Variants in CLSTN2 observed in about 807,000 individuals in gnomAD.
The protein encoded by CLSTN2 is calsyntenin-2.
Under a neutral mutation model 101.2 loss-of-function variants are expected in CLSTN2, and 48 were observed. The observed-to-expected ratio is 0.47, with a 90% CI of 0.38 to 0.60. CLSTN2 has a LOEUF of 0.60. Ranked by LOEUF, CLSTN2 falls within the 20% of genes least tolerant of loss-of-function variation. The pLI, the probability that CLSTN2 is intolerant of heterozygous loss-of-function variation, is 0.00. For synonymous variants in CLSTN2, 481 were observed against 463.6 expected (o/e 1.04, Z -0.48); for missense variants, 1,160 against 1,238.2 (o/e 0.94, Z 0.95).
intron 2 of CLSTN2, among the ~76,000 whole-genome samples, chr3:140,292,983 C>T (rs571375046): frequency 2.0e-5 from 3 of 152,258 alleles, no homozygotes; most frequent in East Asian, 1.9e-4. Flanking sequence ...ACTGTCCCTG[C>T]GGACTTAGAG....
At chr3:140,255,564 A>G (rs2086597659) in intron 2 of CLSTN2, among the ~76,000 whole-genome samples, 1 of 152,108 alleles carries the variant, frequency 6.6e-6, no homozygotes, top group African/African-American at 2.4e-5. Context: ...GAGTACACGT[A>G]GACACAAAGA....
At chr3:140,231,455 A>G (rs2086371181) in intron 2 of CLSTN2, among the ~76,000 whole-genome samples, 1 of 152,244 alleles carries the variant, frequency 6.6e-6, no homozygotes. Context: ...CATCTACAGG[A>G]AAACACACAA....
At chr3:140,359,993 TACACACACACACACACAC>T (rs55746611) in intron 2 of CLSTN2, among the ~76,000 whole-genome samples, 2 of 145,892 alleles carry the variant, frequency 1.4e-5, no homozygotes. Context: ...ACATATTTTA[TACACACACACACACACAC>T]ACACACACAC....
At chr3:140,268,604 C>G (rs566415305) in intron 2 of CLSTN2, among the ~76,000 whole-genome samples, 2 of 152,162 alleles carry the variant, frequency 1.3e-5, no homozygotes, top group Non-Finnish European at 2.9e-5. Flanking sequence ...GCTTGACAAA[C>G]AGAGGTGTCA....
At chr3:140,413,795 C>T (rs28793952) in intron 4 of CLSTN2, among the ~76,000 whole-genome samples, 1,835 of 152,080 alleles carry the variant, frequency 0.012, 21 homozygotes, top group Non-Finnish European at 0.018. Context: ...TAATGAAGGA[C>T]AAAGATCATA....
chr3:140,519,955 T>G (rs1934993507), intron 8 of CLSTN2, among the ~76,000 whole-genome samples: 1 of 152,232 alleles, frequency 6.6e-6, no homozygotes, highest in African/African-American at 2.4e-5. Context: ...TGGTTTTTTC[T>G]TTTGATATTT....
At chr3:140,270,646 T>C (rs1159979946) in intron 2 of CLSTN2, among the ~76,000 whole-genome samples, 1 of 152,148 alleles carries the variant, frequency 6.6e-6, no homozygotes, top group African/African-American at 2.4e-5. Flanking sequence ...CTGTGGATGC[T>C]AGGGTGGTAG....
intron 1 of CLSTN2, among the ~76,000 whole-genome samples, chr3:140,032,332 CTTT>C (rs982523156): frequency 8.3e-6 from 1 of 120,376 alleles, no homozygotes. Context: ...CTAACAAGTA[CTTT>C]TTTTTTTTTT....
intron 1 of CLSTN2, among the ~76,000 whole-genome samples, chr3:140,172,610 G>A (rs753689441): frequency 1.2e-4 from 19 of 152,218 alleles, no homozygotes; most frequent in East Asian, 1.2e-3. Flanking sequence ...TTTTCTTGCC[G>A]CTGATAAAGA....
At position 140,575,609 on chromosome 3, in the gene CLSTN2, G is replaced by A. The variant is rs1212718333; in HGVS notation, c.*9356G>A. 1 of 152,226 alleles carries A rather than the reference G, an allele frequency of 6.6e-6. No homozygotes were observed. Among genetic ancestry groups the A allele is most frequent in the African/African-American group, 2.4e-5 (1 of 41,462 alleles). 9.4% of individuals were successfully genotyped at this position (152,226 alleles called of 1,614,324 possible). A position where few individuals can be genotyped will look rare whatever the true frequency, so the allele number is the denominator to read the frequency against. Reference sequence around the variant, plus strand: ...AAAACCAGTTGGTGAGTATAGAAAAGAAATTGCATGTAGAAGTTGTTTGTT... The same window carrying A: ...AAAACCAGTTGGTGAGTATAGAAAAAAAATTGCATGTAGAAGTTGTTTGTT... On this transcript the variant is annotated 3_prime_UTR_variant, in exon 17 of 17. Coordinates refer to ENST00000458420, the MANE Select transcript of CLSTN2 (RefSeq NM_022131.3).
chr3:140,130,628 A>T lies in CLSTN2; in HGVS notation c.110-45323A>T, dbSNP rs151286854. Among the ~76,000 whole-genome samples the T allele has an allele frequency of 2.2e-4, 33 of 152,298 alleles. No individual in the cohort carries two copies. The East Asian group carries it at 4.8e-3, about 22-fold the overall frequency. On this transcript the variant is annotated intron_variant, in intron 1 of 16. Coordinates refer to ENST00000458420, the MANE Select transcript of CLSTN2 (RefSeq NM_022131.3). ...ACATTCTTCTAATGGCAAAGAAAAC[A>T]TGAAACTAATTTAATGTGCAGCATT...
At chr3:140,250,632 A>G (rs2086555249) in intron 2 of CLSTN2, among the ~76,000 whole-genome samples, 1 of 152,206 alleles carries the variant, frequency 6.6e-6, no homozygotes, top group African/African-American at 2.4e-5. Context: ...CTGGAGGAGC[A>G]GACAGACATT....
intron 2 of CLSTN2, among the ~76,000 whole-genome samples, chr3:140,309,594 G>C (rs572285339): frequency 1.3e-5 from 2 of 152,126 alleles, no homozygotes; most frequent in Non-Finnish European, 2.9e-5. Flanking sequence ...GGTAGGACCT[G>C]TGGATTCCAG....
chr3:139,948,705 T>C (rs1490617316), intron 1 of CLSTN2, among the ~76,000 whole-genome samples: 5 of 152,278 alleles, frequency 3.3e-5, no homozygotes, highest in Admixed American at 1.3e-4. Flanking sequence ...TGTGGACTGA[T>C]CTCTCTTTCA....
intron 2 of CLSTN2, among the ~76,000 whole-genome samples, chr3:140,379,183 T>G (rs969177676): frequency 1.3e-5 from 2 of 152,248 alleles, no homozygotes; most frequent in Non-Finnish European, 2.9e-5. Flanking sequence ...TCCCCTTTAG[T>G]TGCTGCTGAG....
chr3:140,565,601 T>C lies in CLSTN2; in HGVS notation c.2668-452T>C, dbSNP rs539330283. Among the ~76,000 whole-genome samples, 347 of 152,312 alleles carry C rather than the reference T, an allele frequency of 2.3e-3. 3 individuals are homozygous for C. The highest frequency in any genetic ancestry group is 7.8e-3 in the African/African-American group (324 of 41,560). ...AGCATACCTGAGTCTTTGCTTAGAATGCCTTCTGCTCCCAGGGACATTGCA... is the reference window on the plus strand; with the variant it reads ...AGCATACCTGAGTCTTTGCTTAGAACGCCTTCTGCTCCCAGGGACATTGCA... On this transcript the variant is annotated intron_variant, in intron 16 of 16. Coordinates refer to ENST00000458420, the MANE Select transcript of CLSTN2 (RefSeq NM_022131.3).
At chr3:140,090,583 A>T (rs2008761833) in intron 1 of CLSTN2, among the ~76,000 whole-genome samples, 1 of 152,178 alleles carries the variant, frequency 6.6e-6, no homozygotes, top group Non-Finnish European at 1.5e-5. Flanking sequence ...TGGAAGCAAG[A>T]TGAAGCATGA....
At chr3:140,513,580 TTTC>T (rs1470615043) in intron 8 of CLSTN2, among the ~76,000 whole-genome samples, 6 of 66,646 alleles carry the variant, frequency 9.0e-5, no homozygotes, top group East Asian at 7.9e-4. Flanking sequence ...TTTTTTTTTC[TTTC>T]TTTTTTTTTT....
Position 140,076,625 on chromosome 3 carries a change from G to GTTTTTTTTTTTTTTTTTTTTT in CLSTN2, c.110-99318_110-99298dup, listed in dbSNP as rs35645750. On this transcript the variant is annotated intron_variant, in intron 1 of 16. Transcript: ENST00000458420. ...CAATGACTCCCCTCTCACCAGCAGT[G>GTTTTTTTTTTTTTTTTTTTTT]TTTTTTTTTTTTTTTTTTTTTTTTT... Among the ~76,000 whole-genome samples, 17 of 38,070 alleles carry GTTTTTTTTTTTTTTTTTTTTT rather than the reference G, an allele frequency of 4.5e-4. 4 individuals are homozygous for GTTTTTTTTTTTTTTTTTTTTT. Among genetic ancestry groups the GTTTTTTTTTTTTTTTTTTTTT allele is most frequent in the African/African-American group, 1.8e-3 (16 of 8,918 alleles). The allele number at this position is 38,070 out of a possible 152,430, so 25.0% of individuals were successfully genotyped here.
Sources: gnomAD v4.1 joint callset for allele counts (sites outside exome capture counted in the v4.1 genomes callset) on GRCh38, gnomAD v4.1.1 for gene constraint, MANE v1.5 for transcripts, NCBI Gene and HGNC (gene_info 2026-07-23, HGNC 2026-07-21) for gene names.